RPS6KC1: variants seen among roughly 807,000 people sequenced by gnomAD.
RPS6KC1 encodes ribosomal protein S6 kinase C1.
Under a neutral mutation model 103.8 loss-of-function variants are expected in RPS6KC1, and 54 were observed. That is an observed-to-expected ratio of 0.52 (90% CI 0.42 to 0.65). The LOEUF (loss-of-function observed/expected upper bound fraction) is 0.65. Among genes scored for constraint, RPS6KC1 ranks in the 30% least tolerant of loss-of-function variants. The probability of loss-of-function intolerance (pLI) is 0.00; values close to 1 mark genes in which losing one functional copy is unlikely to be tolerated. For missense variants in RPS6KC1, 1,151 were observed against 1,253.8 expected (o/e 0.92, Z 1.24); for synonymous variants, 439 against 438.7 (o/e 1.00, Z -0.01).
At chr1:213,177,308 A>G (rs1040180536) in intron 8 of RPS6KC1, among the ~76,000 whole-genome samples, 1 of 152,218 alleles carries the variant, frequency 6.6e-6, no homozygotes, top group African/African-American at 2.4e-5. Flanking sequence ...AAAGTAAATA[A>G]AATGCTTTAT....
chr1:213,287,112 T>A, the RPS6KC1 span, among the ~76,000 whole-genome samples: 6 of 152,156 alleles, frequency 3.9e-5, no homozygotes, highest in African/African-American at 1.4e-4. Context: ...CACATTTGGG[T>A]GATAAAATGA....
the RPS6KC1 span, among the ~76,000 whole-genome samples, chr1:213,745,086 C>T: frequency 1.2e-4 from 18 of 152,342 alleles, no homozygotes; most frequent in East Asian, 2.9e-3. Context: ...TAATAAGATC[C>T]TCTGGTGTTT....
At chr1:213,440,618 A>G in the RPS6KC1 span, among the ~76,000 whole-genome samples, 1 of 141,418 alleles carries the variant, frequency 7.1e-6, no homozygotes, top group Non-Finnish European at 1.6e-5. Flanking sequence ...AAAAAAAAGA[A>G]CTCTATTATC....
the RPS6KC1 span, among the ~76,000 whole-genome samples, chr1:213,760,874 GC>G: frequency 7.1e-6 from 1 of 141,198 alleles, no homozygotes; most frequent in Non-Finnish European, 1.5e-5. Context: ...TTTTGCCTCA[GC>G]TCACTGGCTG....
At chr1:213,383,891 T>G in the RPS6KC1 span, among the ~76,000 whole-genome samples, 1 of 152,156 alleles carries the variant, frequency 6.6e-6, no homozygotes, top group African/African-American at 2.4e-5. Context: ...CCTCTAGAAC[T>G]ATGAGAAATA....
chr1:213,845,505 A>G, the RPS6KC1 span, among the ~76,000 whole-genome samples: 1 of 152,208 alleles, frequency 6.6e-6, no homozygotes, highest in Non-Finnish European at 1.5e-5. Flanking sequence ...TGCTGCTATC[A>G]TTTGTCATTG....
intron 6 of RPS6KC1, among the ~76,000 whole-genome samples, chr1:213,164,629 C>T (rs995587491): frequency 1.3e-5 from 2 of 152,172 alleles, no homozygotes; most frequent in Non-Finnish European, 2.9e-5. Flanking sequence ...GTGGCATGAG[C>T]GTGGCTCACC....
intron 8 of RPS6KC1, among the ~76,000 whole-genome samples, chr1:213,214,858 A>T (rs1025633134): frequency 1.4e-4 from 21 of 152,172 alleles, no homozygotes; most frequent in African/African-American, 4.8e-4. Context: ...AAGGACGTCG[A>T]CACCAAAACC....
At chr1:213,079,356 T>C (rs541064625) in intron 3 of RPS6KC1, among the ~76,000 whole-genome samples, 1 of 152,316 alleles carries the variant, frequency 6.6e-6, no homozygotes, top group African/African-American at 2.4e-5. Context: ...TTGATGCATA[T>C]TGTCTCATTG....
At chr1:213,623,578 A>G in the RPS6KC1 span, among the ~76,000 whole-genome samples, 1 of 152,202 alleles carries the variant, frequency 6.6e-6, no homozygotes, top group African/African-American at 2.4e-5. Flanking sequence ...TCACAAGAGA[A>G]GTTGACCAGG....
At chr1:213,331,319 C>T in the RPS6KC1 span, among the ~76,000 whole-genome samples, 1 of 152,218 alleles carries the variant, frequency 6.6e-6, no homozygotes, top group Non-Finnish European at 1.5e-5. Context: ...GAGGGGTCTC[C>T]TTGTGCTGGC....
chr1:213,207,546 C>T (rs1371234439), intron 8 of RPS6KC1, among the ~76,000 whole-genome samples: 1 of 152,162 alleles, frequency 6.6e-6, no homozygotes, highest in African/African-American at 2.4e-5. Context: ...TCTGGAGCTC[C>T]AAGCCCCTGA....
At chr1:213,385,238 G>A in the RPS6KC1 span, among the ~76,000 whole-genome samples, 2 of 152,204 alleles carry the variant, frequency 1.3e-5, no homozygotes, top group African/African-American at 4.8e-5. Flanking sequence ...GCAGCAAATT[G>A]GGCACAGAAG....
the RPS6KC1 span, among the ~76,000 whole-genome samples, chr1:213,652,207 T>C: frequency 6.6e-6 from 1 of 152,212 alleles, no homozygotes; most frequent in East Asian, 1.9e-4. Context: ...ATAATACTAA[T>C]AGCTAGCCTC....
At chr1:213,674,812 A>G in the RPS6KC1 span, among the ~76,000 whole-genome samples, 1 of 151,412 alleles carries the variant, frequency 6.6e-6, no homozygotes, top group South Asian at 2.1e-4. Flanking sequence ...CTTTTTTTTA[A>G]CTTTTTAATA....
the RPS6KC1 span, among the ~76,000 whole-genome samples, chr1:213,738,842 AAATAAATAAAT>A: frequency 1.4e-4 from 5 of 35,858 alleles, no homozygotes; most frequent in African/African-American, 3.3e-4. Flanking sequence ...TCTAAAAAAT[AAATAAATAAAT>A]AAATAAATAA....
At chr1:213,478,901 C>T in the RPS6KC1 span, among the ~76,000 whole-genome samples, 1 of 151,966 alleles carries the variant, frequency 6.6e-6, no homozygotes, top group East Asian at 1.9e-4. Context: ...GAACAATTCT[C>T]ATGAATTTGA....
the RPS6KC1 span, among the ~76,000 whole-genome samples, chr1:213,523,905 G>T: frequency 6.6e-6 from 1 of 152,104 alleles, no homozygotes; most frequent in Non-Finnish European, 1.5e-5. Context: ...GGGAACGGGG[G>T]TAAGACTGAG....
chr1:213,601,892 T>A, the RPS6KC1 span, among the ~76,000 whole-genome samples: 1 of 151,090 alleles, frequency 6.6e-6, no homozygotes, highest in East Asian at 1.9e-4. Flanking sequence ...CTTTTTTCCT[T>A]CCTTCCCTCT....
Sources: gnomAD v4.1 joint callset for allele counts (sites outside exome capture counted in the v4.1 genomes callset) on GRCh38, gnomAD v4.1.1 for gene constraint, MANE v1.5 for transcripts, NCBI Gene and HGNC (gene_info 2026-07-23, HGNC 2026-07-21) for gene names.